Variants in CMSS1 observed in about 807,000 individuals in gnomAD.
CMSS1 encodes the protein cms1 ribosomal small subunit homolog.
CMSS1 carries 33 observed loss-of-function variants against 43.5 expected under a neutral mutation model. The ratio of observed to expected loss-of-function variants is 0.76; its 90% CI spans 0.57 to 1.01. The LOEUF (loss-of-function observed/expected upper bound fraction) is 1.01. CMSS1 is among the 50% of genes least tolerant of loss of function. The pLI is 0.00. For synonymous variants in CMSS1, 115 were observed against 117.2 expected, an observed-to-expected ratio of 0.98 and a Z score of 0.12; for missense variants, 313 against 326.4, an observed-to-expected ratio of 0.96 and a Z score of 0.32.
At chr3:99,848,734 A>C (rs751993760) in intron 1 of CMSS1, 8 of 1,614,076 alleles carry the variant, frequency 5.0e-6, no homozygotes, top group Non-Finnish European at 6.8e-6. Flanking sequence ...TGCTCTGGCA[A>C]AGGTTGCCAT....
chr3:99,818,748 C>A (rs1350813733), intron 1 of CMSS1, among the ~76,000 whole-genome samples: 1 of 152,164 alleles, frequency 6.6e-6, no homozygotes, highest in South Asian at 2.1e-4. Context: ...AAAGCTAGCT[C>A]CTTTCAGAAA....
intron 2 of CMSS1, among the ~76,000 whole-genome samples, chr3:100,152,294 G>C (rs1486579513): frequency 6.6e-6 from 1 of 151,712 alleles, no homozygotes; most frequent in Non-Finnish European, 1.5e-5. Context: ...GTGTCCAAAG[G>C]CCTCTGTTCT....
intron 1 of CMSS1, among the ~76,000 whole-genome samples, chr3:100,082,397 T>C (rs144810662): frequency 9.2e-4 from 140 of 152,344 alleles, no homozygotes; most frequent in African/African-American, 3.2e-3. Context: ...CAAAATTTTT[T>C]GTCATCACAG....
chr3:100,037,131 T>C (rs2065121214), intron 1 of CMSS1, among the ~76,000 whole-genome samples: 1 of 151,048 alleles, frequency 6.6e-6, no homozygotes, highest in Non-Finnish European at 1.5e-5. Flanking sequence ...AAAATTTGAA[T>C]AAAATGTGGG....
At chr3:99,942,577 A>G (rs1230928493) in intron 1 of CMSS1, among the ~76,000 whole-genome samples, 2 of 152,246 alleles carry the variant, frequency 1.3e-5, no homozygotes, top group Non-Finnish European at 2.9e-5. Context: ...CACGCCTGTA[A>G]TCCCAGCCCT....
chr3:100,123,717 T>C (rs528602240), intron 1 of CMSS1, among the ~76,000 whole-genome samples: 1 of 152,196 alleles, frequency 6.6e-6, no homozygotes, highest in African/African-American at 2.4e-5. Flanking sequence ...AAAGCATTTC[T>C]CTCTGCCTGA....
chr3:100,126,199 A>G (rs2066660930), intron 1 of CMSS1, among the ~76,000 whole-genome samples: 1 of 152,202 alleles, frequency 6.6e-6, no homozygotes, highest in Non-Finnish European at 1.5e-5. Flanking sequence ...GGAATTTGCT[A>G]CATGAGTTCA....
At chr3:100,052,930 A>G (rs541552150) in intron 1 of CMSS1, among the ~76,000 whole-genome samples, 78 of 152,310 alleles carry the variant, frequency 5.1e-4, no homozygotes, top group African/African-American at 1.8e-3. Flanking sequence ...CCTGTAATAT[A>G]TAATTTCCCC....
At chr3:99,917,092 A>G (rs1706977204) in intron 1 of CMSS1, among the ~76,000 whole-genome samples, 1 of 152,146 alleles carries the variant, frequency 6.6e-6, no homozygotes, top group Non-Finnish European at 1.5e-5. Context: ...GTTTTTGGCT[A>G]CCTGTTTTAT....
intron 1 of CMSS1, among the ~76,000 whole-genome samples, chr3:100,130,304 C>A (rs2066695822): frequency 6.6e-6 from 1 of 152,152 alleles, no homozygotes; most frequent in Admixed American, 6.5e-5. Flanking sequence ...AAAATTAATT[C>A]TACTGGATGT....
At chr3:99,905,919 G>A (rs766027677) in intron 1 of CMSS1, among the ~76,000 whole-genome samples, 1 of 152,148 alleles carries the variant, frequency 6.6e-6, no homozygotes, top group Non-Finnish European at 1.5e-5. Flanking sequence ...CTGGCCAGGC[G>A]CAGTGGCTCA....
intron 1 of CMSS1, among the ~76,000 whole-genome samples, chr3:100,016,363 G>T (rs1342975827): frequency 2.6e-5 from 4 of 152,108 alleles, no homozygotes; most frequent in Admixed American, 2.6e-4. Context: ...AGCTAATTTT[G>T]TATCTTTAGT....
chr3:100,167,891 A>G (rs774959619), intron 6 of CMSS1, 51 bp downstream of exon 6: 2 of 1,251,950 alleles, frequency 1.6e-6, no homozygotes, highest in South Asian at 1.3e-5. Context: ...AATAACTGAT[A>G]TATGCCAAGC....
intron 1 of CMSS1, among the ~76,000 whole-genome samples, chr3:99,982,931 C>A (rs1240459329): frequency 6.6e-6 from 1 of 152,054 alleles, no homozygotes; most frequent in Non-Finnish European, 1.5e-5. Flanking sequence ...TCTGTTACAT[C>A]AAAGTAATAC....
At chr3:100,054,049 A>G (rs779340399) in intron 1 of CMSS1, among the ~76,000 whole-genome samples, 8 of 152,208 alleles carry the variant, frequency 5.3e-5, no homozygotes, top group Admixed American at 3.9e-4. Context: ...GAAGAGCTAC[A>G]TTATTTCCAA....
intron 1 of CMSS1, among the ~76,000 whole-genome samples, chr3:99,972,653 C>A (rs1006016211): frequency 6.6e-6 from 1 of 152,118 alleles, no homozygotes; most frequent in African/African-American, 2.4e-5. Context: ...GCCCATGTCA[C>A]CACCCTGTTG....
At chr3:100,080,345 A>G (rs140801290) in intron 1 of CMSS1, among the ~76,000 whole-genome samples, 1,782 of 152,210 alleles carry the variant, frequency 0.012, 23 homozygotes, top group African/African-American at 0.026. Context: ...TAATAACTCT[A>G]GGGTTCTGAC....
intron 1 of CMSS1, chr3:99,929,960 C>T: frequency 6.2e-7 from 1 of 1,614,096 alleles, no homozygotes; most frequent in Non-Finnish European, 8.5e-7. Context: ...GTGACAAACC[C>T]ATACTGAGCT....
intron 1 of CMSS1, among the ~76,000 whole-genome samples, chr3:100,002,062 G>A (rs1709858445): frequency 6.6e-6 from 1 of 152,166 alleles, no homozygotes; most frequent in African/African-American, 2.4e-5. Flanking sequence ...GTGACTGTTT[G>A]CAGCTCTGGA....
Sources: gnomAD v4.1 joint callset for allele counts (sites outside exome capture counted in the v4.1 genomes callset) on GRCh38, gnomAD v4.1.1 for gene constraint, MANE v1.5 for transcripts, NCBI Gene and HGNC (gene_info 2026-07-23, HGNC 2026-07-21) for gene names.